MAGI2: variants seen among roughly 807,000 people sequenced by gnomAD.
MAGI2 encodes the protein membrane associated guanylate kinase, WW and PDZ domain containing 2, also known as membrane-associated guanylate kinase, WW and PDZ domain-containing protein 2.
MAGI2 carries 35 observed loss-of-function variants against 133.3 expected under a neutral mutation model. The ratio of observed to expected loss-of-function variants is 0.26; its 90% CI spans 0.20 to 0.35. MAGI2 has a LOEUF of 0.35. Among genes scored for constraint, MAGI2 ranks in the 10% least tolerant of loss-of-function variants. MAGI2 has a pLI of 1.00. For synonymous variants in MAGI2, 729 were observed against 710.6 expected (o/e 1.03, Z -0.41); for missense variants, 1,636 against 1,863.4 (o/e 0.88, Z 2.25).
chr7:78,791,315 G>A (rs1827223659), intron 2 of MAGI2, among the ~76,000 whole-genome samples: 1 of 152,132 alleles, frequency 6.6e-6, no homozygotes, highest in African/African-American at 2.4e-5. Flanking sequence ...AAAGTTTTTT[G>A]AGGAGGTATA....
chr7:78,406,679 C>T (rs866536082), intron 6 of MAGI2, among the ~76,000 whole-genome samples: 1 of 152,016 alleles, frequency 6.6e-6, no homozygotes, highest in Non-Finnish European at 1.5e-5. Flanking sequence ...CTAGGCTTTA[C>T]AGTCAGCTAC....
intron 5 of MAGI2, among the ~76,000 whole-genome samples, chr7:78,490,252 T>C (rs1452744542): frequency 6.6e-6 from 1 of 152,138 alleles, no homozygotes; most frequent in Non-Finnish European, 1.5e-5. Context: ...ACAGTTGTTT[T>C]GTTACTCTTT....
At chr7:78,555,390 T>G (rs1799735098) in intron 3 of MAGI2, among the ~76,000 whole-genome samples, 1 of 152,068 alleles carries the variant, frequency 6.6e-6, no homozygotes, top group Non-Finnish European at 1.5e-5. Context: ...AAATTTAGTT[T>G]CATATGTAGA....
At chr7:79,153,643 A>C (rs1823486857) in intron 1 of MAGI2, among the ~76,000 whole-genome samples, 1 of 152,206 alleles carries the variant, frequency 6.6e-6, no homozygotes, top group African/African-American at 2.4e-5. Flanking sequence ...GGGCAAAAGT[A>C]TGGCTAGGAG....
intron 6 of MAGI2, among the ~76,000 whole-genome samples, chr7:78,421,615 T>G (rs1798804116): frequency 6.6e-6 from 1 of 152,098 alleles, no homozygotes. Flanking sequence ...GAGTTCAAGA[T>G]CAGCCTGGGA....
Position 79,156,332 on chromosome 7 carries a change from G to T in MAGI2, c.302-149126C>A, listed in dbSNP as rs188058299. 2.0e-5 allele frequency among the ~76,000 whole-genome samples: 3 copies of T among 152,166 alleles called. 1 individual carries two copies. Among genetic ancestry groups the T allele is most frequent in the Admixed American group, 6.6e-5 (1 of 15,264 alleles). ...GAAAATTTGCATCTGTAAAGAATCA[G>T]TATGCTGTTAAAGAACTAGATCTTT... On this transcript the variant is annotated intron_variant, in intron 1 of 21. Transcript: ENST00000354212.
At chr7:78,572,248 T>G (rs1423808345) in intron 3 of MAGI2, among the ~76,000 whole-genome samples, 1 of 152,166 alleles carries the variant, frequency 6.6e-6, no homozygotes, top group Non-Finnish European at 1.5e-5. Flanking sequence ...TTAATGCTAT[T>G]TAATTGATTA....
At chr7:79,377,057 T>A (rs1296931340) in intron 1 of MAGI2, among the ~76,000 whole-genome samples, 1 of 151,852 alleles carries the variant, frequency 6.6e-6, no homozygotes, top group Non-Finnish European at 1.5e-5. Flanking sequence ...TTTCCACATA[T>A]AAAGTTAAGA....
chr7:79,370,423 TC>T (rs1563160576), intron 1 of MAGI2, among the ~76,000 whole-genome samples: 1 of 152,070 alleles, frequency 6.6e-6, no homozygotes, highest in Non-Finnish European at 1.5e-5. Context: ...ATCTAATTCC[TC>T]TTAGCACAAT....
intron 2 of MAGI2, among the ~76,000 whole-genome samples, chr7:78,831,262 G>T (rs1420921066): frequency 6.6e-6 from 1 of 152,064 alleles, no homozygotes; most frequent in African/African-American, 2.4e-5. Flanking sequence ...CCAAGAATAG[G>T]TTAGATTTCC....
chr7:78,390,630 T>G, intron 6 of MAGI2, among the ~76,000 whole-genome samples: 1 of 144,180 alleles, frequency 6.9e-6, no homozygotes, highest in African/African-American at 2.6e-5. Flanking sequence ...TGACAATTCT[T>G]ACTGGTGGGG....
At chr7:78,397,334 G>A (rs1796437017) in intron 6 of MAGI2, among the ~76,000 whole-genome samples, 1 of 149,380 alleles carries the variant, frequency 6.7e-6, no homozygotes, top group Admixed American at 6.8e-5. Flanking sequence ...AGTTGTGAAA[G>A]TAAAAATGTA....
intron 1 of MAGI2, among the ~76,000 whole-genome samples, chr7:79,363,126 A>G (rs1397497299): frequency 6.6e-6 from 1 of 151,670 alleles, no homozygotes; most frequent in Non-Finnish European, 1.5e-5. Context: ...CGAAATGTAA[A>G]AATCAATCAC....
At chr7:78,078,869 G>C (rs779562718) in intron 21 of MAGI2, 78 bp downstream of exon 21, 2 of 1,540,352 alleles carry the variant, frequency 1.3e-6, no homozygotes, top group Admixed American at 3.4e-5. Context: ...GAGAACTGAT[G>C]TAGTTTTATA....
chr7:78,349,654 G>A (rs564022941), intron 7 of MAGI2, among the ~76,000 whole-genome samples: 1 of 152,150 alleles, frequency 6.6e-6, no homozygotes, highest in Non-Finnish European at 1.5e-5. Flanking sequence ...GGACCCCACA[G>A]ACAGCAAAAG....
chr7:78,470,797 C>CA (rs1366913488), intron 6 of MAGI2, among the ~76,000 whole-genome samples: 5 of 152,054 alleles, frequency 3.3e-5, no homozygotes, highest in Admixed American at 3.3e-4. Context: ...TGGCTGAGCA[C>CA]AATGGGTCTG....
At chr7:78,475,955 C>T (rs548090203) in intron 6 of MAGI2, among the ~76,000 whole-genome samples, 123 of 151,854 alleles carry the variant, frequency 8.1e-4, no homozygotes, top group Non-Finnish European at 1.1e-3. Context: ...CATTCTTGTT[C>T]GGTGGATGAC....
At chr7:78,689,434 T>C (rs1396293804) in intron 2 of MAGI2, among the ~76,000 whole-genome samples, 1 of 152,176 alleles carries the variant, frequency 6.6e-6, no homozygotes, top group East Asian at 1.9e-4. Context: ...CAAGGTGCAA[T>C]TTAAATAAAA....
At chr7:79,228,287 G>A (rs1228303305) in intron 1 of MAGI2, among the ~76,000 whole-genome samples, 1 of 137,868 alleles carries the variant, frequency 7.3e-6, no homozygotes, top group Middle Eastern at 3.8e-3. Context: ...AGGTTGCAGT[G>A]AACTATGATA....
Sources: gnomAD v4.1 joint callset for allele counts (sites outside exome capture counted in the v4.1 genomes callset) on GRCh38, gnomAD v4.1.1 for gene constraint, MANE v1.5 for transcripts, NCBI Gene and HGNC (gene_info 2026-07-23, HGNC 2026-07-21) for gene names.